The following FRMD5 variants were observed in gnomAD, a reference collection of about 807,000 sequenced individuals.
FRMD5 encodes the protein FERM domain containing 5, also known as FERM domain-containing protein 5.
A neutral mutation model predicts 69.0 loss-of-function variants in FRMD5; 20 were observed. That is an observed-to-expected ratio of 0.29 (90% confidence interval 0.20 to 0.42). The LOEUF is 0.42. FRMD5 is among the 10% of genes least tolerant of loss of function. The pLI, the probability that FRMD5 is intolerant of heterozygous loss-of-function variation, is 1.00. For synonymous variants in FRMD5, 271 were observed against 260.1 expected, an observed-to-expected ratio of 1.04 and a Z score of -0.40; for missense variants, 595 against 708.6, an observed-to-expected ratio of 0.84 and a Z score of 1.82.
At chr15:43,940,370 A>G (rs1264364968) in intron 1 of FRMD5, among the ~76,000 whole-genome samples, 1 of 152,144 alleles carries the variant, frequency 6.6e-6, no homozygotes, top group Admixed American at 6.5e-5. Flanking sequence ...AGAGATGAGA[A>G]ATGATAGAAT....
At chr15:43,892,812 G>A (rs1386917172) in intron 7 of FRMD5, among the ~76,000 whole-genome samples, 1 of 152,140 alleles carries the variant, frequency 6.6e-6, no homozygotes, top group Admixed American at 6.5e-5. Flanking sequence ...CACTTTAAAA[G>A]GGCACATATC....
chr15:44,020,383 T>C (rs1466631488), intron 1 of FRMD5, among the ~76,000 whole-genome samples: 1 of 152,190 alleles, frequency 6.6e-6, no homozygotes, highest in East Asian at 1.9e-4. Context: ...TGAGAAGTTA[T>C]ATATCTTCAT....
chr15:44,132,498 T>G (rs546245584), intron 1 of FRMD5, among the ~76,000 whole-genome samples: 2 of 152,228 alleles, frequency 1.3e-5, no homozygotes, highest in South Asian at 4.1e-4. Flanking sequence ...GCATGATCTC[T>G]GCTCACTGCA....
Position 44,102,482 on chromosome 15 carries a change from T to C in FRMD5, c.102+92471A>G, listed in dbSNP as rs549328906. Among the ~76,000 whole-genome samples the C allele has an allele frequency of 7.2e-5, 11 of 152,182 alleles. No homozygotes were observed. The South Asian group carries it at 1.5e-3, about 20-fold the overall frequency. On this transcript the variant is annotated intron_variant, in intron 1 of 13. Transcript: ENST00000417257. ...ACAAATCAATGGAAATAAAAGCTAA[T>C]TGAAACAGGGCTGTGGAGAAATCAG... is the stretch of plus-strand genomic sequence containing the variant.
chr15:43,929,724 C>T (rs1009699595), intron 1 of FRMD5, among the ~76,000 whole-genome samples: 42 of 152,174 alleles, frequency 2.8e-4, no homozygotes, highest in African/African-American at 9.9e-4. Context: ...ACGAGTTGTC[C>T]TTGGAGGCCT....
At chr15:43,915,129 T>G (rs1313610257) in intron 4 of FRMD5, among the ~76,000 whole-genome samples, 1 of 152,202 alleles carries the variant, frequency 6.6e-6, no homozygotes, top group Non-Finnish European at 1.5e-5. Flanking sequence ...AACCTGGGAT[T>G]TGAAGCCAGC....
At chr15:44,181,291 G>A (rs2615254) in intron 1 of FRMD5, among the ~76,000 whole-genome samples, 125,209 of 151,858 alleles carry the variant, frequency 0.82, 55,230 homozygotes, top group Non-Finnish European at 0.97. Flanking sequence ...CAATCTTCCC[G>A]CCTCAGCCTC....
intron 1 of FRMD5, among the ~76,000 whole-genome samples, chr15:44,177,173 T>C (rs2077913377): frequency 6.6e-6 from 1 of 151,984 alleles, no homozygotes; most frequent in Admixed American, 6.6e-5. Context: ...TAGGTATCCA[T>C]CCAAAAGAAA....
chr15:44,032,406 A>G (rs1024127024), intron 1 of FRMD5, among the ~76,000 whole-genome samples: 4 of 152,218 alleles, frequency 2.6e-5, no homozygotes, highest in African/African-American at 9.7e-5. Context: ...AACTGTCCAC[A>G]GAGTAAACAG....
chr15:43,981,709 C>G (rs537202025), intron 1 of FRMD5, among the ~76,000 whole-genome samples: 1 of 152,342 alleles, frequency 6.6e-6, no homozygotes, highest in East Asian at 1.9e-4. Context: ...AAACCTTCTG[C>G]TAGATGGTCT....
intron 1 of FRMD5, among the ~76,000 whole-genome samples, chr15:43,969,222 C>T (rs2090339823): frequency 6.6e-6 from 1 of 151,904 alleles, no homozygotes; most frequent in South Asian, 2.1e-4. Flanking sequence ...GCTGGGACTA[C>T]AGGCGTACAC....
rs576017687 is a variant in FRMD5 at position 43,872,594 on chromosome 15, G to T, written c.*1291C>A. On this transcript the variant is annotated 3_prime_UTR_variant, in exon 14 of 14. Transcript: ENST00000417257. ...CTGCAAGGATGGTGATGCTTTCCTA[G>T]AACTTATGCAGAGGATGACCCTAGG... The T allele has an allele frequency of 1.3e-5, 2 of 152,590 alleles. No individual in the cohort carries two copies. The highest frequency in any genetic ancestry group is 3.9e-4 in the East Asian group (2 of 5,190). The allele number at this position is 152,590 out of a possible 1,614,324, so 9.5% of individuals were successfully genotyped here.
At chr15:44,052,642 G>T (rs1333544387) in intron 1 of FRMD5, among the ~76,000 whole-genome samples, 5 of 152,098 alleles carry the variant, frequency 3.3e-5, no homozygotes, top group Non-Finnish European at 7.4e-5. Context: ...CTCTGATTTT[G>T]GGAAGCACCA....
At chr15:44,046,753 G>A (rs559169558) in intron 1 of FRMD5, among the ~76,000 whole-genome samples, 58 of 152,198 alleles carry the variant, frequency 3.8e-4, no homozygotes, top group African/African-American at 1.4e-3. Context: ...CAAATTCTTG[G>A]AAACACCACA....
intron 1 of FRMD5, among the ~76,000 whole-genome samples, chr15:44,026,389 T>C (rs1891430135): frequency 6.6e-6 from 1 of 152,264 alleles, no homozygotes; most frequent in African/African-American, 2.4e-5. Flanking sequence ...TAAAATAGCA[T>C]TTGACTGTAT....
intron 1 of FRMD5, among the ~76,000 whole-genome samples, chr15:44,034,327 T>C (rs1179867843): frequency 6.6e-6 from 1 of 152,254 alleles, no homozygotes; most frequent in Admixed American, 6.5e-5. Context: ...CAGCAATTTA[T>C]TTTTTCAGGT....
intron 1 of FRMD5, among the ~76,000 whole-genome samples, chr15:44,143,784 G>A (rs974170715): frequency 6.6e-6 from 1 of 151,404 alleles, no homozygotes; most frequent in Non-Finnish European, 1.5e-5. Context: ...AATTGGCCGG[G>A]CGTGGCGGCA....
chr15:43,880,127 C>G (rs1484008279), intron 13 of FRMD5, among the ~76,000 whole-genome samples: 1 of 152,148 alleles, frequency 6.6e-6, no homozygotes, highest in Non-Finnish European at 1.5e-5. Flanking sequence ...GGCCTTTATC[C>G]AGGCCATATA....
intron 1 of FRMD5, among the ~76,000 whole-genome samples, chr15:44,172,366 G>A (rs559643356): frequency 6.7e-6 from 1 of 149,090 alleles, no homozygotes; most frequent in African/African-American, 2.5e-5. Context: ...CTCCTGCCTT[G>A]GCCTCCCAAC....
Sources: gnomAD v4.1 joint callset for allele counts (sites outside exome capture counted in the v4.1 genomes callset) on GRCh38, gnomAD v4.1.1 for gene constraint, MANE v1.5 for transcripts, NCBI Gene and HGNC (gene_info 2026-07-23, HGNC 2026-07-21) for gene names.